Variants in FER observed in about 807,000 individuals in gnomAD.
FER encodes FER tyrosine kinase, also known as tyrosine-protein kinase Fer.
A neutral mutation model predicts 111.0 loss-of-function variants in FER; 63 were observed. That is an observed-to-expected ratio of 0.57 (90% confidence interval 0.46 to 0.70). The LOEUF is 0.70. Ranked by LOEUF, FER falls within the 30% of genes least tolerant of loss-of-function variation. The pLI, the probability that FER is intolerant of heterozygous loss-of-function variation, is 0.00. For synonymous variants in FER, 327 were observed against 313.9 expected, an observed-to-expected ratio of 1.04 and a Z score of -0.44; for missense variants, 914 against 954.0, an observed-to-expected ratio of 0.96 and a Z score of 0.55.
At chr5:109,152,435 CTAGAAGTAT>C (rs912126122) in intron 17 of FER, among the ~76,000 whole-genome samples, 3 of 151,816 alleles carry the variant, frequency 2.0e-5, no homozygotes, top group Admixed American at 2.0e-4. Flanking sequence ...CAACATAAGG[CTAGAAGTAT>C]TGCCAAGACC....
Position 109,050,636 on chromosome 5 carries a change from A to G in FER, c.1924+3438A>G, listed in dbSNP as rs567574109. Among the ~76,000 whole-genome samples the G allele has an allele frequency of 2.0e-5, 3 of 152,374 alleles. No individual in the cohort carries two copies. In the South Asian group the frequency reaches 6.2e-4, roughly 32 times the overall value. Reference sequence around the variant, plus strand: ...GAATGATGAAAAAGTGATGGTAATGATATGGTGCAAGTGGATGGAAAAAAT... The same window carrying G: ...GAATGATGAAAAAGTGATGGTAATGGTATGGTGCAAGTGGATGGAAAAAAT... On this transcript the variant is annotated intron_variant, in intron 16 of 19. Coordinates refer to ENST00000281092, the MANE Select transcript of FER (RefSeq NM_005246.4).
intron 10 of FER, among the ~76,000 whole-genome samples, chr5:108,934,675 C>T (rs1755200597): frequency 6.6e-6 from 1 of 152,130 alleles, no homozygotes; most frequent in African/African-American, 2.4e-5. Flanking sequence ...TTTCCAGCTA[C>T]TGCACTGTAG....
chr5:109,017,411 A>C (rs1278172521), intron 13 of FER, among the ~76,000 whole-genome samples: 2 of 152,026 alleles, frequency 1.3e-5, no homozygotes, highest in Non-Finnish European at 2.9e-5. Flanking sequence ...GTTTTGAAGC[A>C]AAATGTTGGA....
chr5:108,807,360 G>A (rs748936317), intron 3 of FER, among the ~76,000 whole-genome samples: 3 of 152,142 alleles, frequency 2.0e-5, no homozygotes, highest in South Asian at 2.1e-4. Context: ...GAGAAGTTGC[G>A]TGTTTCCAGG....
chr5:108,751,346 A>G (rs1390014959), intron 1 of FER, among the ~76,000 whole-genome samples: 1 of 152,138 alleles, frequency 6.6e-6, no homozygotes, highest in Non-Finnish European at 1.5e-5. Context: ...AACTATACTA[A>G]CTTAATTACA....
chr5:108,976,492 A>G (rs1011934285), intron 13 of FER, among the ~76,000 whole-genome samples: 3 of 152,022 alleles, frequency 2.0e-5, no homozygotes, highest in African/African-American at 7.2e-5. Flanking sequence ...ACCCTGTTAG[A>G]ATGCATATAC....
intron 2 of FER, among the ~76,000 whole-genome samples, chr5:108,788,961 AT>A (rs1755054072): frequency 6.6e-6 from 1 of 152,202 alleles, no homozygotes; most frequent in Non-Finnish European, 1.5e-5. Flanking sequence ...TCGCATTGAC[AT>A]TGTCAATTCT....
chr5:109,007,686 G>T (rs1169876773), intron 13 of FER, among the ~76,000 whole-genome samples: 1 of 152,070 alleles, frequency 6.6e-6, no homozygotes, highest in Non-Finnish European at 1.5e-5. Context: ...AAGAGTTTTT[G>T]AGTTTTTAAC....
chr5:108,804,573 C>CA (rs796855040), intron 3 of FER, among the ~76,000 whole-genome samples: 27 of 152,266 alleles, frequency 1.8e-4, no homozygotes, highest in African/African-American at 5.5e-4. Context: ...GCTTCAATCT[C>CA]AATCATCAAT....
chr5:108,809,126 A>C (rs1351357132), intron 3 of FER, among the ~76,000 whole-genome samples: 1 of 152,060 alleles, frequency 6.6e-6, no homozygotes, highest in Non-Finnish European at 1.5e-5. Flanking sequence ...TTGTATGTGG[A>C]TATCTACCTC....
intron 16 of FER, among the ~76,000 whole-genome samples, chr5:109,062,691 C>A (rs1228539843): frequency 6.6e-6 from 1 of 152,070 alleles, no homozygotes; most frequent in Non-Finnish European, 1.5e-5. Context: ...ACAATAACAC[C>A]TGTGCTGACT....
intron 17 of FER, among the ~76,000 whole-genome samples, chr5:109,172,117 A>C (rs967104329): frequency 3.3e-5 from 5 of 152,156 alleles, no homozygotes; most frequent in Non-Finnish European, 7.4e-5. Context: ...CATTTGACCC[A>C]GCCATCCCAT....
At chr5:108,964,532 T>A (rs1486398805) in intron 13 of FER, among the ~76,000 whole-genome samples, 1 of 152,086 alleles carries the variant, frequency 6.6e-6, no homozygotes, top group Non-Finnish European at 1.5e-5. Context: ...GCTGGTGTGA[T>A]TGAAGAACTA....
At chr5:109,049,620 G>T (rs1772469449) in intron 16 of FER, among the ~76,000 whole-genome samples, 1 of 151,866 alleles carries the variant, frequency 6.6e-6, no homozygotes, top group African/African-American at 2.4e-5. Flanking sequence ...ACACTCTCCA[G>T]AACACATGAT....
chr5:108,939,628 T>G lies in FER; in HGVS notation c.1237-6502T>G, dbSNP rs534838235. Among the ~76,000 whole-genome samples, 315 of 152,188 alleles carry G rather than the reference T, an allele frequency of 2.1e-3. 3 individuals are homozygous for G. Among genetic ancestry groups the G allele is most frequent in the Middle Eastern group, 0.02 (6 of 294 alleles). On this transcript the variant is annotated intron_variant, in intron 10 of 19. Transcript: ENST00000281092. ...ACAAGCACTTAGAATCTGACTGACT[T>G]CTTTCTAAAATGCATCTCCTGGTTG... is the stretch of plus-strand genomic sequence containing the variant.
At chr5:109,163,318 T>C (rs899645488) in intron 17 of FER, among the ~76,000 whole-genome samples, 1 of 152,178 alleles carries the variant, frequency 6.6e-6, no homozygotes, top group African/African-American at 2.4e-5. Context: ...ATTTCCAGTT[T>C]AGGGCCATTA....
In FER at chr5:109,195,634, ACT is replaced by A. The variant is rs1405206719; in HGVS notation, c.*8062_*8063del. ...TGACCAAAGTGTCCAAAGACATGAAACTCTTATACCTGCTGAGCATTTCACTT... is the reference window on the plus strand; with the variant it reads ...TGACCAAAGTGTCCAAAGACATGAAACTTATACCTGCTGAGCATTTCACTT... On this transcript the variant is annotated 3_prime_UTR_variant, in exon 20 of 20. Coordinates refer to ENST00000281092, the MANE Select transcript of FER (RefSeq NM_005246.4). 2 of 152,006 alleles carry A rather than the reference ACT, an allele frequency of 1.3e-5. No homozygotes were observed. The highest frequency in any genetic ancestry group is 2.4e-5 in the African/African-American group (1 of 41,360). The allele number at this position is 152,006 out of a possible 1,614,324, so 9.4% of individuals were successfully genotyped here.
chr5:109,058,988 C>T (rs1210525792), intron 16 of FER, among the ~76,000 whole-genome samples: 1 of 151,958 alleles, frequency 6.6e-6, no homozygotes, highest in Admixed American at 6.6e-5. Flanking sequence ...AATACACCCA[C>T]CTCAGCCTCC....
At chr5:109,167,694 C>T (rs1479171396) in intron 17 of FER, among the ~76,000 whole-genome samples, 5 of 152,106 alleles carry the variant, frequency 3.3e-5, no homozygotes, top group African/African-American at 1.2e-4. Flanking sequence ...TTGGAGTTAA[C>T]AATGAATGCA....
Sources: allele counts gnomAD v4.1 joint callset (sites outside exome capture counted in the v4.1 genomes callset), GRCh38; gene constraint gnomAD v4.1.1; transcripts MANE v1.5; gene names NCBI Gene and HGNC (gene_info 2026-07-23, HGNC 2026-07-21).